CYTH3: variants seen among roughly 807,000 people sequenced by gnomAD.
CYTH3 encodes cytohesin-3.
Under a neutral mutation model 55.1 loss-of-function variants are expected in CYTH3, and 23 were observed. That is an observed-to-expected ratio of 0.42 (90% CI 0.30 to 0.59). The LOEUF is 0.59. Ranked by LOEUF, CYTH3 falls within the 20% of genes least tolerant of loss-of-function variation. CYTH3 has a pLI of 0.20. For missense variants in CYTH3, 413 were observed against 524.8 expected (o/e 0.79, Z 2.08); for synonymous variants, 249 against 194.9 (o/e 1.28, Z -2.31).
chr7:6,255,718 G>C (rs191022578), intron 1 of CYTH3, among the ~76,000 whole-genome samples: 1 of 150,452 alleles, frequency 6.6e-6, no homozygotes, highest in Non-Finnish European at 1.5e-5. Context: ...TGGGGGAGAC[G>C]CTCAGGTTAG....
chr7:6,251,834 C>A (rs1474503119), intron 1 of CYTH3, among the ~76,000 whole-genome samples: 3 of 152,128 alleles, frequency 2.0e-5, no homozygotes, highest in Admixed American at 1.3e-4. Context: ...GAGTTCTTCA[C>A]AGGCACCATT....
intron 1 of CYTH3, among the ~76,000 whole-genome samples, chr7:6,192,529 A>ATTTTTTT (rs36036670): frequency 1.1e-4 from 12 of 111,312 alleles, no homozygotes; most frequent in African/African-American, 3.6e-4. Context: ...CCACAAGTCA[A>ATTTTTTT]TTTTTTTTTT....
chr7:6,164,950 T>C lies in CYTH3; in HGVS notation c.1194A>G (p.Lys398=), dbSNP rs1379715905. 1.2e-6 allele frequency: 2 copies of C among 1,614,236 alleles called. No individual in the cohort carries two copies. Among genetic ancestry groups the C allele is most frequent in the Non-Finnish European group, 8.5e-7 (1 of 1,180,048 alleles). ...LATRKRRIAN[K]K ...GGTCTTTTAGCCAGGAAAGCTATTT[T>C]TTATTGGCAATCCTTCGTTTCCTCG... Residue 398 remains lysine (K), a synonymous_variant, in exon 13 of 13, where the codon AAA becomes AAG. Coordinates refer to ENST00000350796, the MANE Select transcript of CYTH3 (RefSeq NM_004227.4).
Position 6,170,784 on chromosome 7 carries a change from C to T in CYTH3, c.711+46G>A, listed in dbSNP as rs1186674726. The T allele has an allele frequency of 6.3e-7, 1 of 1,589,096 alleles. No homozygotes were observed. Among genetic ancestry groups the T allele is most frequent in the Non-Finnish European group, 8.6e-7 (1 of 1,167,406 alleles). ...CCGCGGGCGCTGCGGCCGCTCACAG[C>T]GAAGAGATCCTGCAGACGGCAGCGG... On this transcript the variant is annotated intron_variant, in intron 8 of 12. Transcript: ENST00000350796. The surrounding 1 kb of genome is among the most constrained non-coding windows in gnomAD (Gnocchi z 7.8).
At chr7:6,231,720 C>A (rs914100477) in intron 1 of CYTH3, among the ~76,000 whole-genome samples, 1 of 152,226 alleles carries the variant, frequency 6.6e-6, no homozygotes, top group African/African-American at 2.4e-5. Context: ...AAACTTATCA[C>A]AGGTAAGAGA....
At chr7:6,229,778 C>T (rs955877971) in intron 1 of CYTH3, among the ~76,000 whole-genome samples, 2 of 151,012 alleles carry the variant, frequency 1.3e-5, no homozygotes, top group South Asian at 4.2e-4. Flanking sequence ...GATCACACCA[C>T]TGCACTCCAG....
At chr7:6,269,705 G>A (rs978429128) in intron 1 of CYTH3, among the ~76,000 whole-genome samples, 1 of 152,112 alleles carries the variant, frequency 6.6e-6, no homozygotes, top group Non-Finnish European at 1.5e-5. Flanking sequence ...GTAATCTTGT[G>A]CCCCCCACTC....
At chr7:6,246,123 C>T (rs1779808676) in intron 1 of CYTH3, among the ~76,000 whole-genome samples, 1 of 151,854 alleles carries the variant, frequency 6.6e-6, no homozygotes, top group Non-Finnish European at 1.5e-5. Flanking sequence ...CTCTGTCACC[C>T]AGACTGGAAC....
At chr7:6,213,810 A>T (rs1026621058) in intron 1 of CYTH3, among the ~76,000 whole-genome samples, 6 of 152,060 alleles carry the variant, frequency 3.9e-5, no homozygotes, top group Non-Finnish European at 7.3e-5. Context: ...GCAGGAACCC[A>T]TCACAGGGGC....
rs760279977 is a variant in CYTH3, at chr7:6,174,539, G to GTTTT, written c.369-810_369-807dup. 1.4e-3 allele frequency among the ~76,000 whole-genome samples: 125 copies of GTTTT among 89,800 alleles called. 6 individuals carry two copies. The highest frequency in any genetic ancestry group is 6.3e-3 in the South Asian group (19 of 3,002). The allele number at this position is 89,800 out of a possible 152,430, so 58.9% of individuals were successfully genotyped here. ...GGTGTGAAATGGTATCTCCTTGTGG[G>GTTTT]TTTTTTTTTTTTTTTTTTTTTTTTT... On this transcript the variant is annotated intron_variant, in intron 5 of 12. Transcript: ENST00000350796.
chr7:6,189,762 C>T (rs1347835290), intron 2 of CYTH3, among the ~76,000 whole-genome samples: 2 of 151,894 alleles, frequency 1.3e-5, no homozygotes, highest in Non-Finnish European at 2.9e-5. Context: ...GGTGGCTGGG[C>T]GCAGTGGCTC....
At chr7:6,182,730 G>A (rs989100840) in intron 4 of CYTH3, among the ~76,000 whole-genome samples, 2 of 151,718 alleles carry the variant, frequency 1.3e-5, no homozygotes, top group African/African-American at 4.9e-5. Flanking sequence ...GGCTGGTTTT[G>A]AACTCCTGAG....
chr7:6,266,410 GCAT>G (rs1250309855), intron 1 of CYTH3, among the ~76,000 whole-genome samples: 1 of 152,160 alleles, frequency 6.6e-6, no homozygotes, highest in Non-Finnish European at 1.5e-5. Flanking sequence ...AGGACATACA[GCAT>G]CAAGTAAATA....
intron 1 of CYTH3, among the ~76,000 whole-genome samples, chr7:6,255,632 T>C (rs768772025): frequency 5.3e-5 from 8 of 152,044 alleles, no homozygotes; most frequent in Non-Finnish European, 1.0e-4. Flanking sequence ...GAGGGAGGGA[T>C]ATGTTGGGGA....
Position 6,248,217 on chromosome 7 carries a change from A to G in CYTH3, c.34+24257T>C, listed in dbSNP as rs1779870814. Among the ~76,000 whole-genome samples, 7 of 150,588 alleles carry G rather than the reference A, an allele frequency of 4.6e-5. No individual in the cohort carries two copies. The South Asian group carries it at 1.5e-3, about 32-fold the overall frequency. ...TCTTTATTTCTGAACAATAGTATTT[A>G]GACCCATCCTCCCCCAACCCCCCCC... On this transcript the variant is annotated intron_variant, in intron 1 of 12. Transcript: ENST00000350796.
chr7:6,217,585 A>G (rs1784455318), intron 1 of CYTH3, among the ~76,000 whole-genome samples: 1 of 152,238 alleles, frequency 6.6e-6, no homozygotes, highest in African/African-American at 2.4e-5. Flanking sequence ...GCTGAGAGAT[A>G]TCAACAATTA....
intron 1 of CYTH3, among the ~76,000 whole-genome samples, chr7:6,228,335 T>C (rs1220625406): frequency 1.3e-5 from 2 of 152,216 alleles, no homozygotes; most frequent in African/African-American, 2.4e-5. Flanking sequence ...TGCTTTTCCA[T>C]GTACATGGGA....
intron 1 of CYTH3, among the ~76,000 whole-genome samples, chr7:6,210,178 A>G (rs941724827): frequency 3.9e-5 from 6 of 151,900 alleles, no homozygotes; most frequent in Non-Finnish European, 8.8e-5. Context: ...AGATGTTAAT[A>G]ACAGAAAAAC....
chr7:6,189,373 A>G (rs1362491372), intron 2 of CYTH3, among the ~76,000 whole-genome samples: 1 of 152,012 alleles, frequency 6.6e-6, no homozygotes, highest in Non-Finnish European at 1.5e-5. Flanking sequence ...CACTGGCACA[A>G]TCACAGTTCA....
Sources: gnomAD v4.1 joint callset for allele counts (sites outside exome capture counted in the v4.1 genomes callset) on GRCh38, gnomAD v4.1.1 for gene constraint, Gnocchi (gnomAD v3.1) non-coding constraint, MANE v1.5 for transcripts, NCBI Gene and HGNC (gene_info 2026-07-23, HGNC 2026-07-21) for gene names.